Variants in VPS26B observed in about 807,000 individuals in gnomAD.
The protein encoded by VPS26B is vacuolar protein sorting-associated protein 26B.
Under a neutral mutation model 33.3 loss-of-function variants are expected in VPS26B, and 10 were observed. That is an observed-to-expected ratio of 0.30 (90% CI 0.19 to 0.51). The LOEUF (loss-of-function observed/expected upper bound fraction) is 0.51. Among genes scored for constraint, VPS26B ranks in the 20% least tolerant of loss-of-function variants. The pLI is 0.98. For synonymous variants in VPS26B, 190 were observed against 176.9 expected, an observed-to-expected ratio of 1.07 and a Z score of -0.59; for missense variants, 317 against 452.7, an observed-to-expected ratio of 0.70 and a Z score of 2.72.
Position 134,244,673 on chromosome 11 carries a change from C to G in VPS26B, c.722-265C>G, listed in dbSNP as rs1313647960. 2.6e-6 allele frequency: 1 copy of G among 389,852 alleles called. No individual in the cohort carries two copies. The highest frequency in any genetic ancestry group is 4.6e-6 in the Non-Finnish European group (1 of 218,228). 24.1% of individuals were successfully genotyped at this position (389,852 alleles called of 1,614,324 possible). A position where few individuals can be genotyped will look rare whatever the true frequency, so the allele number is the denominator to read the frequency against. On this transcript the variant is annotated intron_variant, in intron 4 of 5. Transcript: ENST00000281187. This position sits in a 1 kb window ranked among gnomAD's most constrained non-coding sequence, Gnocchi z 4.0. ...TGCATGTAATCAAAAGATGCTTATACTAATAATGACCTGTGCTGTTCCCAC... is the reference window on the plus strand; with the variant it reads ...TGCATGTAATCAAAAGATGCTTATAGTAATAATGACCTGTGCTGTTCCCAC...
At chr11:134,235,368 G>A (rs1255691813) in intron 2 of VPS26B, 1 of 212,852 alleles carries the variant, frequency 4.7e-6, no homozygotes, top group Non-Finnish European at 9.2e-6. Context: ...CAAGAGCAGA[G>A]AGCATTGTAA....
chr11:134,239,918 C>T (rs1351002722), intron 2 of VPS26B, 73 bp from the exon 3 acceptor site: 2 of 1,583,042 alleles, frequency 1.3e-6, no homozygotes, highest in Admixed American at 1.7e-5. Context: ...TCAAGTGGGC[C>T]AATTTGGTAC....
At chr11:134,241,336 G>T (rs1478911049) in intron 3 of VPS26B, among the ~76,000 whole-genome samples, 2 of 152,164 alleles carry the variant, frequency 1.3e-5, no homozygotes, top group African/African-American at 4.8e-5. Flanking sequence ...AACATATATG[G>T]TTCTTGGAAC....
At position 134,244,920 on chromosome 11, in the gene VPS26B, C is replaced by T. The variant is rs1938786525; in HGVS notation, c.722-18C>T. 2 of 1,609,918 alleles carry T rather than the reference C, an allele frequency of 1.2e-6. No homozygotes were observed. The highest frequency in any genetic ancestry group is 1.7e-6 in the Non-Finnish European group (2 of 1,179,622). ...CATCACCTTGCCCCCTGTGCTGACT[C>T]CTGCCCTCCCCCTACAGGAGAGTCC... On this transcript the variant is annotated intron_variant, in intron 4 of 5. Transcript: ENST00000281187. This position sits in a 1 kb window ranked among gnomAD's most constrained non-coding sequence, Gnocchi z 4.0.
chr11:134,237,336 C>T (rs2136050201), intron 2 of VPS26B, among the ~76,000 whole-genome samples: 1 of 152,234 alleles, frequency 6.6e-6, no homozygotes, highest in East Asian at 1.9e-4. Flanking sequence ...TAACAGACAC[C>T]AGCAGAGATT....
intron 1 of VPS26B, among the ~76,000 whole-genome samples, chr11:134,232,963 A>G (rs1938577919): frequency 6.6e-6 from 1 of 152,044 alleles, no homozygotes; most frequent in African/African-American, 2.4e-5. Flanking sequence ...TATACTTCTG[A>G]CTTTTATTGG....
intron 2 of VPS26B, among the ~76,000 whole-genome samples, chr11:134,237,584 G>A (rs924230049): frequency 1.3e-5 from 2 of 152,208 alleles, no homozygotes; most frequent in Non-Finnish European, 2.9e-5. Context: ...TAACTGATAC[G>A]TTTTTGAAGA....
In VPS26B at chr11:134,225,345, G is replaced by C; in HGVS notation, c.223G>C (p.Glu75Gln). The change falls in exon 1 of 6, where the codon GAA becomes CAA. Residue 75 changes from glutamate (E) to glutamine (Q), a missense_variant and splice_region_variant. Transcript: ENST00000281187. The part of the protein sequence containing the change: ...GIKIEFIGQI[E>Q]LYYDRGNHHE... ...CAAGATCGAGTTCATCGGGCAGATC[G>C]GTGAGTCGACCCCCGGGACCCCCTC... 6.2e-7 allele frequency: 1 copy of C among 1,613,482 alleles called. No individual in the cohort carries two copies. Among genetic ancestry groups the C allele is most frequent in the Non-Finnish European group, 8.5e-7 (1 of 1,179,764 alleles).
chr11:134,245,654 T>C lies in VPS26B; in HGVS notation c.*64T>C. 7.9e-6 allele frequency: 12 copies of C among 1,527,440 alleles called. No individual in the cohort carries two copies. The highest frequency in any genetic ancestry group is 1.1e-5 in the Non-Finnish European group (12 of 1,136,458). The allele number at this position is 1,527,440 out of a possible 1,614,324, so 94.6% of individuals were successfully genotyped here. A position where few individuals can be genotyped will look rare whatever the true frequency, so the allele number is the denominator to read the frequency against. On this transcript the variant is annotated 3_prime_UTR_variant, in exon 6 of 6. Transcript: ENST00000281187. The surrounding 1 kb of genome is among the most constrained non-coding windows in gnomAD (Gnocchi z 4.7). ...ACCCCCATCTACCAACACCAGCGGC[T>C]GGGGGCGGGGGCGGACCTTGTGAGG...
intron 1 of VPS26B, among the ~76,000 whole-genome samples, chr11:134,227,730 C>T (rs1469189380): frequency 6.6e-6 from 1 of 152,184 alleles, no homozygotes. Flanking sequence ...AGCTACCAAG[C>T]AAGGAAAATA....
At chr11:134,236,533 G>C (rs181842996) in intron 2 of VPS26B, 3 of 152,098 alleles carry the variant, frequency 2.0e-5, no homozygotes, top group Non-Finnish European at 4.4e-5. Flanking sequence ...AGCATTATTC[G>C]CAATAACCAA....
At chr11:134,242,277 C>G (rs764447928) in intron 3 of VPS26B, among the ~76,000 whole-genome samples, 1 of 152,172 alleles carries the variant, frequency 6.6e-6, no homozygotes, top group Non-Finnish European at 1.5e-5. Context: ...GGGGAACACT[C>G]CAGCCTGGGG....
At chr11:134,236,256 A>G (rs1317244400) in intron 2 of VPS26B, 3 of 152,214 alleles carry the variant, frequency 2.0e-5, no homozygotes, top group South Asian at 2.1e-4. Context: ...AATCGCACCC[A>G]GAGAATGCAG....
intron 1 of VPS26B, among the ~76,000 whole-genome samples, chr11:134,233,207 G>T (rs74769167): frequency 2.0e-5 from 3 of 152,194 alleles, no homozygotes; most frequent in Admixed American, 2.0e-4. Context: ...TCATACAGAA[G>T]TGGCATCACT....
intron 2 of VPS26B, among the ~76,000 whole-genome samples, chr11:134,238,786 G>A (rs528880309): frequency 4.7e-4 from 72 of 151,700 alleles, no homozygotes; most frequent in African/African-American, 1.5e-3. Flanking sequence ...TAGTAGAGAC[G>A]GGGTTTCACT....
chr11:134,241,227 C>A (rs1218919768), intron 3 of VPS26B, among the ~76,000 whole-genome samples: 2 of 152,192 alleles, frequency 1.3e-5, no homozygotes, highest in East Asian at 3.8e-4. Context: ...TTCATTGTGG[C>A]ACCCCCTGGA....
intron 3 of VPS26B, among the ~76,000 whole-genome samples, chr11:134,241,269 A>T (rs1011849223): frequency 7.7e-6 from 1 of 129,548 alleles, no homozygotes; most frequent in Non-Finnish European, 1.8e-5. Flanking sequence ...GAGCAGTGGG[A>T]GCTGCACCAG....
In VPS26B at chr11:134,246,748, CAT is replaced by C. The variant is rs1938833374; in HGVS notation, c.*1162_*1163del. On this transcript the variant is annotated 3_prime_UTR_variant, in exon 6 of 6. Coordinates refer to ENST00000281187, the MANE Select transcript of VPS26B (RefSeq NM_052875.5). ...ATTGGTATCGTGTGTTTAAAAAACA[CAT>C]ATAAAAAAACTCTTGTGAATATTCT... The C allele has an allele frequency of 6.6e-6, 1 of 152,366 alleles. No homozygotes were observed. The highest frequency in any genetic ancestry group is 2.4e-5 in the African/African-American group (1 of 41,378). 9.4% of individuals were successfully genotyped at this position (152,366 alleles called of 1,614,324 possible).
intron 1 of VPS26B, 115 bp from the exon 2 acceptor site, chr11:134,234,782 C>T: frequency 7.7e-7 from 1 of 1,307,104 alleles, no homozygotes; most frequent in Non-Finnish European, 1.1e-6. Context: ...GTCTGTTCTG[C>T]AGGGAGGTCC....
Sources: gnomAD v4.1 joint callset for allele counts (sites outside exome capture counted in the v4.1 genomes callset) on GRCh38, gnomAD v4.1.1 for gene constraint, Gnocchi (gnomAD v3.1) non-coding constraint, MANE v1.5 for transcripts, NCBI Gene and HGNC (gene_info 2026-07-23, HGNC 2026-07-21) for gene names.